CDH18: variants seen among roughly 807,000 people sequenced by gnomAD.
CDH18 encodes the protein cadherin 18.
Under a neutral mutation model 67.9 loss-of-function variants are expected in CDH18, and 31 were observed. That is an observed-to-expected ratio of 0.46 (90% confidence interval 0.34 to 0.62). The LOEUF is 0.62. Ranked by LOEUF, CDH18 falls within the 20% of genes least tolerant of loss-of-function variation. The pLI, the probability that CDH18 is intolerant of heterozygous loss-of-function variation, is 0.01. For synonymous variants in CDH18, 362 were observed against 347.2 expected (o/e 1.04, Z -0.48); for missense variants, 890 against 975.5 (o/e 0.91, Z 1.17).
At chr5:19,606,398 A>T (rs1173531015) in intron 6 of CDH18, among the ~76,000 whole-genome samples, 2 of 152,130 alleles carry the variant, frequency 1.3e-5, no homozygotes, top group African/African-American at 4.8e-5. Context: ...TTTTGAAATA[A>T]GTATGGTTAA....
At chr5:19,577,578 A>G (rs913800927) in intron 7 of CDH18, among the ~76,000 whole-genome samples, 3 of 152,228 alleles carry the variant, frequency 2.0e-5, no homozygotes, top group Non-Finnish European at 4.4e-5. Flanking sequence ...CAAACTATCT[A>G]GAGTTTCACC....
At chr5:19,741,361 C>CACACACAT (rs1257868846) in intron 4 of CDH18, among the ~76,000 whole-genome samples, 1 of 134,610 alleles carries the variant, frequency 7.4e-6, no homozygotes, top group African/African-American at 2.6e-5. Context: ...CACACACACA[C>CACACACAT]ATATATGACA....
chr5:19,593,686 T>C (rs796983929), intron 6 of CDH18, among the ~76,000 whole-genome samples: 4 of 14,750 alleles, frequency 2.7e-4, no homozygotes, highest in Non-Finnish European at 4.3e-4. Context: ...TCCTCCTCCT[T>C]CTCTTCCTCT....
intron 1 of CDH18, among the ~76,000 whole-genome samples, chr5:20,569,346 G>T (rs1387231044): frequency 6.6e-6 from 1 of 152,158 alleles, no homozygotes; most frequent in African/African-American, 2.4e-5. Flanking sequence ...TGCTCGGCCA[G>T]GCGCCATGGC....
In CDH18 at chr5:20,311,817, A is replaced by G. The variant is rs115046494; in HGVS notation, c.-579-56312T>C. ...ATAATATAAAAAATTATTGTATGATACTCCATTATTTTCACATGGTATCAA... is the reference window on the plus strand; with the variant it reads ...ATAATATAAAAAATTATTGTATGATGCTCCATTATTTTCACATGGTATCAA... On this transcript the variant is annotated intron_variant, in intron 1 of 14. Transcript: ENST00000507958. Among the ~76,000 whole-genome samples the G allele has an allele frequency of 4.5e-3, 687 of 152,264 alleles. 9 individuals are homozygous for G. Among genetic ancestry groups the G allele is most frequent in the African/African-American group, 0.016 (659 of 41,558 alleles).
rs530047734 is a variant in CDH18 at position 19,717,399 on chromosome 5, G to A, written c.643+3948C>T. Among the ~76,000 whole-genome samples the A allele has an allele frequency of 9.0e-4, 49 of 54,320 alleles. No individual in the cohort carries two copies. The South Asian group carries it at 0.043, about 47-fold the overall frequency. The allele number at this position is 54,320 out of a possible 152,430, so 35.6% of individuals were successfully genotyped here. On this transcript the variant is annotated intron_variant, in intron 5 of 12. Transcript: ENST00000382275. ...AAAAACTACACTGGTCTTCCATTCC[G>A]TAAGGAAATGGAAAGTTTCCATTCT...
At chr5:19,610,289 T>C (rs1748736079) in intron 6 of CDH18, among the ~76,000 whole-genome samples, 1 of 152,112 alleles carries the variant, frequency 6.6e-6, no homozygotes, top group African/African-American at 2.4e-5. Context: ...GGTAAAGTGA[T>C]TATTTTCACT....
chr5:19,995,839 T>G (rs78287939), intron 2 of CDH18, among the ~76,000 whole-genome samples: 2,206 of 152,102 alleles, frequency 0.015, 60 homozygotes, highest in African/African-American at 0.05. Flanking sequence ...ACACCTTCCA[T>G]AGAATATCCT....
intron 2 of CDH18, among the ~76,000 whole-genome samples, chr5:20,095,608 A>AAAG (rs1561786798): frequency 1.4e-5 from 2 of 139,832 alleles, no homozygotes; most frequent in African/African-American, 2.6e-5. Flanking sequence ...AGAAAGAAAG[A>AAAG]AAAGAAAAGA....
chr5:20,374,860 C>T (rs1743286435), intron 1 of CDH18, among the ~76,000 whole-genome samples: 1 of 152,156 alleles, frequency 6.6e-6, no homozygotes, highest in African/African-American at 2.4e-5. Flanking sequence ...TATTTAAACA[C>T]AAATTATTGT....
intron 9 of CDH18, among the ~76,000 whole-genome samples, chr5:19,541,382 T>A (rs925212300): frequency 1.3e-5 from 2 of 151,928 alleles, no homozygotes; most frequent in African/African-American, 4.9e-5. Flanking sequence ...CCCTCCAAAC[T>A]GTTTCAACTT....
chr5:19,808,832 C>CAAA (rs1173922790), intron 3 of CDH18, among the ~76,000 whole-genome samples: 53 of 53,732 alleles, frequency 9.9e-4, no homozygotes, highest in East Asian at 2.0e-3. Flanking sequence ...AACTCTGTCT[C>CAAA]AAAAAAAAAA....
At chr5:19,608,953 T>C (rs1748514043) in intron 6 of CDH18, among the ~76,000 whole-genome samples, 2 of 151,882 alleles carry the variant, frequency 1.3e-5, no homozygotes, top group Non-Finnish European at 2.9e-5. Context: ...CCATTTAGGA[T>C]ATAGAAGGTT....
intron 2 of CDH18, among the ~76,000 whole-genome samples, chr5:20,101,407 T>C (rs1746453084): frequency 6.6e-6 from 1 of 152,218 alleles, no homozygotes; most frequent in Non-Finnish European, 1.5e-5. Flanking sequence ...AAATATTATC[T>C]TTTTAGTGAG....
intron 8 of CDH18, among the ~76,000 whole-genome samples, chr5:19,551,562 G>A (rs2127145241): frequency 6.6e-6 from 1 of 152,214 alleles, no homozygotes; most frequent in Middle Eastern, 3.4e-3. Flanking sequence ...TAAGTGAAGT[G>A]ATATGTGAAA....
chr5:19,855,323 T>C (rs1203569155), intron 2 of CDH18, among the ~76,000 whole-genome samples: 3 of 152,146 alleles, frequency 2.0e-5, no homozygotes, highest in Non-Finnish European at 2.9e-5. Context: ...AGTGGGCTAC[T>C]ATTTTTAAAT....
rs34690857 is a variant in CDH18, at chr5:20,488,673, T to TTA, written c.-580+86787_-580+86788dup. 5.1e-3 allele frequency among the ~76,000 whole-genome samples: 647 copies of TTA among 126,960 alleles called. 5 individuals carry two copies. The highest frequency in any genetic ancestry group is 0.028 in the East Asian group (116 of 4,078). The allele number at this position is 126,960 out of a possible 152,430, so 83.3% of individuals were successfully genotyped here. The stretch of plus-strand genomic sequence containing the variant: ...TCTTTTTGGTTGGAGGGGTAGTGTT[T>TTA]TATATATATATATATATATATATAT... On this transcript the variant is annotated intron_variant, in intron 1 of 14. Transcript: ENST00000507958.
At chr5:19,937,027 T>C (rs1579685394) in intron 2 of CDH18, among the ~76,000 whole-genome samples, 1 of 151,422 alleles carries the variant, frequency 6.6e-6, no homozygotes. Flanking sequence ...CACTCATATG[T>C]TACTATAAAT....
intron 7 of CDH18, among the ~76,000 whole-genome samples, chr5:19,587,187 T>C (rs2150009246): frequency 6.6e-6 from 1 of 152,324 alleles, no homozygotes; most frequent in East Asian, 1.9e-4. Flanking sequence ...TAGTTTCTTT[T>C]ACTGTGAAGA....
Sources: allele counts gnomAD v4.1 joint callset (sites outside exome capture counted in the v4.1 genomes callset), GRCh38; gene constraint gnomAD v4.1.1; transcripts MANE v1.5; gene names NCBI Gene and HGNC (gene_info 2026-07-23, HGNC 2026-07-21).